Variants in ENTPD1 observed in about 807,000 individuals in gnomAD.
ENTPD1 encodes ATP diphosphohydrolase.
In ENTPD1, 33 loss-of-function variants were observed where a neutral mutation model predicts 57.0. The ratio of observed to expected loss-of-function variants is 0.58; its 90% CI spans 0.44 to 0.77. The LOEUF (loss-of-function observed/expected upper bound fraction) is 0.77, where lower values mean the gene tolerates loss of function less well. ENTPD1 is among the 30% of genes least tolerant of loss of function. The probability of loss-of-function intolerance (pLI) is 0.00; values close to 1 mark genes in which losing one functional copy is unlikely to be tolerated. For synonymous variants in ENTPD1, 202 were observed against 218.8 expected (o/e 0.92, Z 0.68); for missense variants, 501 against 603.4 (o/e 0.83, Z 1.78).
intron 1 of ENTPD1, 115 bp downstream of exon 1, chr10:95,756,370 A>C: frequency 8.5e-7 from 1 of 1,182,802 alleles, no homozygotes; most frequent in Non-Finnish European, 1.2e-6. Context: ...GCCCTGAATG[A>C]ACTTTCCCAC....
At chr10:95,715,321 T>A (rs1217648773) in intron 1 of ENTPD1, among the ~76,000 whole-genome samples, 2 of 152,214 alleles carry the variant, frequency 1.3e-5, no homozygotes, top group Non-Finnish European at 2.9e-5. Context: ...TTAGATGTCC[T>A]TCCTTGTCTT....
intron 9 of ENTPD1, 93 bp downstream of exon 9, chr10:95,864,954 G>C: frequency 1.4e-6 from 2 of 1,424,002 alleles, no homozygotes; most frequent in Non-Finnish European, 1.9e-6. Flanking sequence ...GAGTCAGCAT[G>C]GTGTAGCTTT....
chr10:95,716,024 C>A (rs905665314), intron 1 of ENTPD1, among the ~76,000 whole-genome samples: 1 of 152,122 alleles, frequency 6.6e-6, no homozygotes, highest in South Asian at 2.1e-4. Flanking sequence ...GACACCACAT[C>A]CAGCTAATTT....
At chr10:95,829,331 G>C (rs540729036) in intron 2 of ENTPD1, among the ~76,000 whole-genome samples, 11 of 152,176 alleles carry the variant, frequency 7.2e-5, no homozygotes, top group African/African-American at 2.2e-4. Flanking sequence ...GTCTGCCCTG[G>C]GGATTTATCC....
chr10:95,860,740 G>T (rs1212512592), intron 8 of ENTPD1, among the ~76,000 whole-genome samples, 158 bp downstream of exon 8: 1 of 152,220 alleles, frequency 6.6e-6, no homozygotes, highest in Non-Finnish European at 1.5e-5. Flanking sequence ...GAATTTATCA[G>T]CATTCCTTGA....
At chr10:95,863,259 C>A (rs1370577287) in intron 8 of ENTPD1, among the ~76,000 whole-genome samples, 1 of 151,676 alleles carries the variant, frequency 6.6e-6, no homozygotes, top group East Asian at 1.9e-4. Context: ...CAGCCCCCCA[C>A]AAGGGATAGG....
At chr10:95,719,588 G>A (rs1007349265) in intron 1 of ENTPD1, among the ~76,000 whole-genome samples, 1 of 152,184 alleles carries the variant, frequency 6.6e-6, no homozygotes, top group Non-Finnish European at 1.5e-5. Context: ...TATTTAACCT[G>A]CTGTGAGCAG....
At chr10:95,784,473 G>A (rs568604764) in intron 1 of ENTPD1, among the ~76,000 whole-genome samples, 4 of 152,164 alleles carry the variant, frequency 2.6e-5, no homozygotes, top group South Asian at 2.1e-4. Context: ...TAGAGAATGG[G>A]GCTAACTGTA....
chr10:95,775,498 T>C (rs1380523901), intron 1 of ENTPD1, among the ~76,000 whole-genome samples: 1 of 152,202 alleles, frequency 6.6e-6, no homozygotes, highest in Non-Finnish European at 1.5e-5. Flanking sequence ...TTTTGAGATA[T>C]GTTCCATCAA....
intron 1 of ENTPD1, among the ~76,000 whole-genome samples, chr10:95,714,298 A>G (rs1171996803): frequency 1.3e-5 from 2 of 152,210 alleles, no homozygotes; most frequent in African/African-American, 2.4e-5. Context: ...TGGGCAATAG[A>G]ATGAGACCCT....
At position 95,791,212 on chromosome 10, in the gene ENTPD1, GT is replaced by G. The variant is rs1443268445; in HGVS notation, c.17-32024del. Among the ~76,000 whole-genome samples, 3 of 152,148 alleles carry G rather than the reference GT, an allele frequency of 2.0e-5. No individual in the cohort carries two copies. The highest frequency in any genetic ancestry group is 6.6e-5 in the Admixed American group (1 of 15,260). On this transcript the variant is annotated intron_variant, in intron 1 of 9. Transcript: ENST00000371205. The surrounding 1 kb of genome is among the most constrained non-coding windows in gnomAD (Gnocchi z 4.1). ...AACAGTGTTAATGTTTAGTTTCCAG[GT>G]GAAGGGCTATAATAACTTCACTGTA...
At chr10:95,818,917 C>G (rs936211080) in intron 1 of ENTPD1, among the ~76,000 whole-genome samples, 2 of 152,254 alleles carry the variant, frequency 1.3e-5, no homozygotes, top group Middle Eastern at 3.4e-3. Context: ...GTTTTGTTCT[C>G]TATATGACAA....
intron 2 of ENTPD1, among the ~76,000 whole-genome samples, chr10:95,827,342 C>T (rs2098380950): frequency 6.6e-6 from 1 of 151,928 alleles, no homozygotes; most frequent in Admixed American, 6.6e-5. Flanking sequence ...ATAGTCCCAA[C>T]TACTTGGGAG....
chr10:95,845,753 C>T, intron 6 of ENTPD1, 157 bp downstream of exon 6: 2 of 1,258,002 alleles, frequency 1.6e-6, no homozygotes, highest in East Asian at 5.0e-5. Context: ...TCTGGTTGAC[C>T]CCTATAAATT....
chr10:95,760,811 A>ATTTTTTT (rs1399145317), intron 1 of ENTPD1, among the ~76,000 whole-genome samples: 12 of 48,392 alleles, frequency 2.5e-4, no homozygotes, highest in East Asian at 7.3e-4. Context: ...CATAGAGTTT[A>ATTTTTTT]TTCTTTTTTT....
At chr10:95,839,438 T>C (rs1274552189) in intron 2 of ENTPD1, 3 of 504,860 alleles carry the variant, frequency 5.9e-6, no homozygotes, top group African/African-American at 3.9e-5. Context: ...TTCTAAACAA[T>C]ACTGCTTCTT....
chr10:95,717,264 C>A (rs925449552), intron 1 of ENTPD1, among the ~76,000 whole-genome samples: 2 of 151,900 alleles, frequency 1.3e-5, no homozygotes, highest in Non-Finnish European at 2.9e-5. Context: ...AGCAATTCGC[C>A]TAGCTACCTA....
intron 2 of ENTPD1, among the ~76,000 whole-genome samples, chr10:95,838,885 T>A (rs1207841153): frequency 1.3e-5 from 2 of 152,240 alleles, no homozygotes; most frequent in Non-Finnish European, 2.9e-5. Context: ...TCTCCTGCTG[T>A]CATCTGTCCT....
Position 95,864,816 on chromosome 10 carries a change from T to C in ENTPD1, c.1281T>C (p.Tyr427=). Residue 427 remains tyrosine, a synonymous_variant, in exon 9 of 10, where the codon TAT becomes TAC. Transcript: ENST00000371205. ...TYILSLLLQG[Y]HFTADSWEHI... ...TTCTCTCCCTCCTTCTGCAAGGCTA[T>C]CATTTCACAGCTGATTCCTGGGAGC... 6.2e-7 allele frequency: 1 copy of C among 1,613,984 alleles called. No individual in the cohort carries two copies. The highest frequency in any genetic ancestry group is 1.7e-5 in the Admixed American group (1 of 60,002).
Sources: allele counts gnomAD v4.1 joint callset (sites outside exome capture counted in the v4.1 genomes callset), GRCh38; gene constraint gnomAD v4.1.1; non-coding constraint Gnocchi (gnomAD v3.1); transcripts MANE v1.5; gene names NCBI Gene and HGNC (gene_info 2026-07-23, HGNC 2026-07-21).